NLK: variants seen among roughly 807,000 people sequenced by gnomAD.
NLK encodes serine/threonine-protein kinase NLK.
In NLK, 11 loss-of-function variants were observed where a neutral mutation model predicts 59.0. The ratio of observed to expected loss-of-function variants is 0.19; its 90% CI spans 0.12 to 0.31. The LOEUF (loss-of-function observed/expected upper bound fraction) is 0.31, where lower values mean the gene tolerates loss of function less well. Ranked by LOEUF, NLK falls within the 10% of genes least tolerant of loss-of-function variation. The pLI is 1.00. For synonymous variants in NLK, 235 were observed against 235.9 expected (o/e 1.00, Z 0.03); for missense variants, 410 against 661.1 (o/e 0.62, Z 4.16).
At chr17:28,062,258 T>G (rs1174124291) in intron 1 of NLK, among the ~76,000 whole-genome samples, 1 of 152,112 alleles carries the variant, frequency 6.6e-6, no homozygotes, top group Non-Finnish European at 1.5e-5. Flanking sequence ...TAATTCAGAC[T>G]TTTATTGCCC....
At chr17:28,080,776 AATGTTAG>A (rs1910316647) in intron 1 of NLK, among the ~76,000 whole-genome samples, 1 of 152,212 alleles carries the variant, frequency 6.6e-6, no homozygotes. Flanking sequence ...AAACATCCAA[AATGTTAG>A]AACTAGCTGC....
chr17:28,103,830 C>T (rs1904983428), intron 1 of NLK, among the ~76,000 whole-genome samples: 1 of 152,056 alleles, frequency 6.6e-6, no homozygotes, highest in Non-Finnish European at 1.5e-5. Flanking sequence ...GTATTCTGAC[C>T]ACTTAACCTG....
At chr17:28,054,306 A>G (rs1909362701) in intron 1 of NLK, among the ~76,000 whole-genome samples, 1 of 152,214 alleles carries the variant, frequency 6.6e-6, no homozygotes, top group South Asian at 2.1e-4. Context: ...CCTGAAGTTA[A>G]CTGGGTGTAT....
At chr17:28,185,561 T>G (rs1215851457) in intron 8 of NLK, among the ~76,000 whole-genome samples, 1 of 152,160 alleles carries the variant, frequency 6.6e-6, no homozygotes, top group Admixed American at 6.5e-5. Context: ...AATGATTTTT[T>G]GTTTTGAGAC....
At chr17:28,060,074 A>T (rs1330554471) in intron 1 of NLK, among the ~76,000 whole-genome samples, 1 of 152,182 alleles carries the variant, frequency 6.6e-6, no homozygotes, top group Non-Finnish European at 1.5e-5. Context: ...TGTAACTGTC[A>T]TGAGCAGCAT....
intron 8 of NLK, 105 bp from the exon 9 acceptor site, chr17:28,190,916 T>TTA: frequency 2.7e-6 from 2 of 749,366 alleles, no homozygotes; most frequent in Non-Finnish European, 2.2e-6. Context: ...GTACTATAAA[T>TTA]TATATATATG....
At chr17:28,085,194 C>T (rs1910471075) in intron 1 of NLK, among the ~76,000 whole-genome samples, 1 of 151,990 alleles carries the variant, frequency 6.6e-6, no homozygotes, top group African/African-American at 2.4e-5. Context: ...CGTTTTATGC[C>T]TTTTGTCTCC....
chr17:28,114,638 T>C (rs947956277), intron 1 of NLK, among the ~76,000 whole-genome samples: 6 of 152,222 alleles, frequency 3.9e-5, no homozygotes, highest in African/African-American at 1.4e-4. Flanking sequence ...TGCCTTAATA[T>C]CATATTCTTC....
chr17:28,056,242 T>C (rs966458646), intron 1 of NLK, among the ~76,000 whole-genome samples: 7 of 152,232 alleles, frequency 4.6e-5, no homozygotes, highest in African/African-American at 1.4e-4. Context: ...TTTTGAGGGC[T>C]TTTTCATTCT....
chr17:28,100,727 A>AT (rs1425819101), intron 1 of NLK, among the ~76,000 whole-genome samples: 2 of 152,026 alleles, frequency 1.3e-5, no homozygotes, highest in African/African-American at 4.8e-5. Flanking sequence ...CATTTCATCT[A>AT]TTTTTTTACT....
At chr17:28,070,877 T>C (rs1045057542) in intron 1 of NLK, among the ~76,000 whole-genome samples, 2 of 152,342 alleles carry the variant, frequency 1.3e-5, no homozygotes, top group South Asian at 2.1e-4. Flanking sequence ...GGAAAATCAA[T>C]TGACTATATA....
chr17:28,187,185 T>G (rs1909150233), intron 8 of NLK, among the ~76,000 whole-genome samples: 1 of 152,238 alleles, frequency 6.6e-6, no homozygotes, highest in African/African-American at 2.4e-5. Context: ...ATTCTCTATT[T>G]CTATTTAGAT....
At chr17:28,186,579 A>G (rs1257092671) in intron 8 of NLK, among the ~76,000 whole-genome samples, 1 of 152,200 alleles carries the variant, frequency 6.6e-6, no homozygotes, top group Non-Finnish European at 1.5e-5. Context: ...TGGCTGGGGA[A>G]GCCTCACAAT....
chr17:28,166,313 T>C (rs1345159653), intron 5 of NLK, among the ~76,000 whole-genome samples: 3 of 152,232 alleles, frequency 2.0e-5, no homozygotes, highest in Non-Finnish European at 4.4e-5. Context: ...AAAATTTTCC[T>C]GCTTTCTTAA....
At chr17:28,060,811 C>G (rs1045414299) in intron 1 of NLK, among the ~76,000 whole-genome samples, 9 of 152,134 alleles carry the variant, frequency 5.9e-5, no homozygotes, top group African/African-American at 2.2e-4. Flanking sequence ...TTTATGATAG[C>G]ATGGATGGAT....
chr17:28,061,313 A>G (rs1199470241), intron 1 of NLK, among the ~76,000 whole-genome samples: 2 of 152,242 alleles, frequency 1.3e-5, no homozygotes, highest in African/African-American at 2.4e-5. Context: ...AAAAGACATT[A>G]AAAGAAAAAT....
At chr17:28,078,937 G>A (rs374935149) in intron 1 of NLK, among the ~76,000 whole-genome samples, 1 of 152,242 alleles carries the variant, frequency 6.6e-6, no homozygotes, top group African/African-American at 2.4e-5. Flanking sequence ...AAAATGTACA[G>A]TATAGTTGTG....
chr17:28,147,022 T>G (rs1301092994), intron 3 of NLK, among the ~76,000 whole-genome samples: 1 of 152,236 alleles, frequency 6.6e-6, no homozygotes, highest in Non-Finnish European at 1.5e-5. Flanking sequence ...TTTGTTCATT[T>G]ACATTAAAAT....
At chr17:28,069,870 A>C (rs1330082679) in intron 1 of NLK, among the ~76,000 whole-genome samples, 1 of 152,126 alleles carries the variant, frequency 6.6e-6, no homozygotes, top group African/African-American at 2.4e-5. Context: ...ATGAACAGAA[A>C]ATTCTATTTT....
Sources: allele counts gnomAD v4.1 joint callset (sites outside exome capture counted in the v4.1 genomes callset), GRCh38; gene constraint gnomAD v4.1.1; transcripts MANE v1.5; gene names NCBI Gene and HGNC (gene_info 2026-07-23, HGNC 2026-07-21).